Variants in NCAPH observed in about 807,000 individuals in gnomAD.
NCAPH encodes non-SMC condensin I complex subunit H.
NCAPH carries 38 observed loss-of-function variants against 85.5 expected under a neutral mutation model. That is an observed-to-expected ratio of 0.44 (90% confidence interval 0.34 to 0.58). The LOEUF is 0.58. Among genes scored for constraint, NCAPH ranks in the 20% least tolerant of loss-of-function variants. NCAPH has a pLI of 0.01. For missense variants in NCAPH, 789 were observed against 916.6 expected (o/e 0.86, Z 1.80); for synonymous variants, 301 against 335.1 (o/e 0.90, Z 1.11).
At position 96,369,386 on chromosome 2, in the gene NCAPH, A is replaced by G. The variant is rs573331548; in HGVS notation, c.2091-39A>G. On this transcript the variant is annotated intron_variant, in intron 16 of 17. Coordinates refer to ENST00000240423, the MANE Select transcript of NCAPH (RefSeq NM_015341.5). ...TTGATGAACGAGCTTTTGTTCTAAC[A>G]GTTGGCAGTGACCTAAATACTTGCC... is the stretch of plus-strand genomic sequence containing the variant. 3 of 1,545,482 alleles carry G rather than the reference A, an allele frequency of 1.9e-6. No individual in the cohort carries two copies. The African/African-American group carries it at 4.1e-5, about 21-fold the overall frequency.
intron 15 of NCAPH, among the ~76,000 whole-genome samples, chr2:96,367,605 A>G (rs1328394738): frequency 6.6e-6 from 1 of 152,212 alleles, no homozygotes; most frequent in Non-Finnish European, 1.5e-5. Context: ...CTATGATATG[A>G]TCGTACCACT....
In NCAPH at chr2:96,374,736, C is replaced by T. The variant is rs2064813562; in HGVS notation, c.*1385C>T. On this transcript the variant is annotated 3_prime_UTR_variant, in exon 18 of 18. Coordinates refer to ENST00000240423, the MANE Select transcript of NCAPH (RefSeq NM_015341.5). ...AGCAGTGGTGCCACAGGTGAGACTC[C>T]ACACTCTGTCTTGCTGGGGCTGAAG... 6.6e-6 allele frequency among the ~76,000 whole-genome samples: 1 copy of T among 152,176 alleles called. No individual in the cohort carries two copies. Among genetic ancestry groups the T allele is most frequent in the African/African-American group, 2.4e-5 (1 of 41,436 alleles).
In NCAPH at chr2:96,376,815, G is replaced by A. The variant is rs1309404692; in HGVS notation, c.*3464G>A. On this transcript the variant is annotated 3_prime_UTR_variant, in exon 18 of 18. Coordinates refer to ENST00000240423, the MANE Select transcript of NCAPH (RefSeq NM_015341.5). The stretch of plus-strand genomic sequence containing the variant: ...TAAAAATGTTTTTTGGGGGAATTGG[G>A]GATCATTTATGGGTACCAAAAGAAA... Among the ~76,000 whole-genome samples, 1 of 151,854 alleles carries A rather than the reference G, an allele frequency of 6.6e-6. No individual in the cohort carries two copies. The highest frequency in any genetic ancestry group is 1.5e-5 in the Non-Finnish European group (1 of 67,990).
intron 9 of NCAPH, among the ~76,000 whole-genome samples, chr2:96,357,732 C>T (rs770846337): frequency 1.4e-4 from 21 of 152,102 alleles, no homozygotes; most frequent in Non-Finnish European, 2.9e-4. Context: ...AATAAATGCA[C>T]AAATGTAGTC....
At position 96,347,278 on chromosome 2, in the gene NCAPH, GT is replaced by G. The variant is rs34345809; in HGVS notation, c.720+3065del. Among the ~76,000 whole-genome samples the G allele has an allele frequency of 9.2e-3, 1,285 of 140,380 alleles. 13 individuals carry two copies. The highest frequency in any genetic ancestry group is 0.029 in the African/African-American group (1,103 of 37,938). 92.1% of individuals were successfully genotyped at this position (140,380 alleles called of 152,430 possible). ...CAATTGGAGCAGTGCCCCTCAGCCT[GT>G]TTTTTTTTTTTTTTTATCACTTTTG... On this transcript the variant is annotated intron_variant, in intron 6 of 17. Transcript: ENST00000240423.
intron 17 of NCAPH, among the ~76,000 whole-genome samples, chr2:96,370,916 G>A (rs967364322): frequency 2.0e-5 from 3 of 152,168 alleles, no homozygotes; most frequent in Non-Finnish European, 4.4e-5. Context: ...CTGTTGGGGG[G>A]CAGTAAGGCG....
chr2:96,339,001 T>G (rs1047129709), intron 1 of NCAPH, among the ~76,000 whole-genome samples: 1 of 151,890 alleles, frequency 6.6e-6, no homozygotes, highest in African/African-American at 2.4e-5. Flanking sequence ...TTAGTAGAGG[T>G]GGGGTTTCAC....
chr2:96,349,255 G>A (rs554525530), intron 6 of NCAPH, among the ~76,000 whole-genome samples: 20 of 152,224 alleles, frequency 1.3e-4, no homozygotes, highest in Non-Finnish European at 2.6e-4. Flanking sequence ...CTCCAATCCT[G>A]GAAAGCTTTT....
At chr2:96,348,105 T>C (rs187882458) in intron 6 of NCAPH, among the ~76,000 whole-genome samples, 6 of 152,190 alleles carry the variant, frequency 3.9e-5, no homozygotes, top group African/African-American at 1.4e-4. Flanking sequence ...AATCTCACTG[T>C]CATATACTAT....
intron 9 of NCAPH, among the ~76,000 whole-genome samples, chr2:96,355,282 G>T (rs978972194): frequency 7.2e-5 from 11 of 152,098 alleles, no homozygotes; most frequent in African/African-American, 2.7e-4. Flanking sequence ...TGGGCCTGGG[G>T]GTAGGAGATT....
chr2:96,344,297 G>A, intron 6 of NCAPH, 68 bp downstream of exon 6: 2 of 1,513,100 alleles, frequency 1.3e-6, no homozygotes, highest in Non-Finnish European at 1.8e-6. Context: ...ACTTGGCAGG[G>A]CTAAGGCTGC....
chr2:96,361,016 A>ATTTCTTGATTCC (rs2064599661), intron 12 of NCAPH, among the ~76,000 whole-genome samples: 1 of 59,316 alleles, frequency 1.7e-5, no homozygotes, highest in African/African-American at 6.5e-5. Context: ...TTTTTAAGTT[A>ATTTCTTGATTCC]TTTCTTGATT....
chr2:96,363,585 C>T (rs1173982086), intron 12 of NCAPH, among the ~76,000 whole-genome samples: 1 of 152,188 alleles, frequency 6.6e-6, no homozygotes, highest in African/African-American at 2.4e-5. Context: ...ATTTCTCCTA[C>T]TTCAGAGATT....
chr2:96,358,982 C>A, intron 9 of NCAPH, 63 bp from the exon 10 acceptor site: 1 of 1,500,254 alleles, frequency 6.7e-7, no homozygotes. Context: ...CGGACATATG[C>A]TTCATATGTA....
rs755156857 is a variant in NCAPH at position 96,359,187 on chromosome 2, C to T, written c.1351C>T (p.Arg451Cys). 4.1e-5 allele frequency: 66 copies of T among 1,613,708 alleles called. No individual in the cohort carries two copies. The highest frequency in any genetic ancestry group is 1.5e-4 in the Admixed American group (9 of 59,950). Residue 451 changes from arginine to cysteine, a missense_variant, in exon 10 of 18, where the codon CGC (arginine) becomes TGC (cysteine). By Grantham distance (180) the Arg-to-Cys change is radical. Transcript: ENST00000240423. ...GPDHWRFRPR[R>C]KQDAPSQSEN... ...GGATCACTGGCGCTTTAGGCCTCGA[C>T]GCAAACGTATGTAATTCTAGGTGGA...
At chr2:96,364,428 C>A in intron 12 of NCAPH, 53 bp from the exon 13 acceptor site, 1 of 1,190,930 alleles carries the variant, frequency 8.4e-7, no homozygotes, top group Non-Finnish European at 1.2e-6. Context: ...CTTCTCTAAC[C>A]TAGTTCAGTA....
At position 96,351,945 on chromosome 2, in the gene NCAPH, G is replaced by C. The variant is rs77612325; in HGVS notation, c.835G>C (p.Asp279His). ...DYRSELLFPSDVQTLSTGEPL... is the reference protein window; with the variant it reads ...DYRSELLFPSHVQTLSTGEPL... ...CAGAAGTGAACTGCTGTTTCCCTCT[G>C]ATGTCCAGACTCTCTCCACGGGAGA... The change falls in exon 7 of 18, where the codon GAT becomes CAT. Residue 279 changes from aspartate to histidine, a missense_variant. Transcript: ENST00000240423. 14 of 1,614,066 alleles carry C rather than the reference G, an allele frequency of 8.7e-6. No individual in the cohort carries two copies. Among genetic ancestry groups the C allele is most frequent in the Non-Finnish European group, 1.2e-5 (14 of 1,180,040 alleles).
intron 12 of NCAPH, among the ~76,000 whole-genome samples, chr2:96,363,874 T>G (rs1314023901): frequency 6.6e-6 from 1 of 151,972 alleles, no homozygotes; most frequent in African/African-American, 2.4e-5. Flanking sequence ...TGCAGTGGTA[T>G]GAGTATGGCT....
chr2:96,342,715 G>A, intron 3 of NCAPH, 41 bp from the exon 4 acceptor site: 1 of 1,472,924 alleles, frequency 6.8e-7, no homozygotes, highest in Non-Finnish European at 9.5e-7. Context: ...CATGAGCCTA[G>A]GCTATAAATA....
Sources: gnomAD v4.1 joint callset for allele counts (sites outside exome capture counted in the v4.1 genomes callset) on GRCh38, gnomAD v4.1.1 for gene constraint, MANE v1.5 for transcripts, NCBI Gene and HGNC (gene_info 2026-07-23, HGNC 2026-07-21) for gene names.